TAOK3: variants seen among roughly 807,000 people sequenced by gnomAD.
TAOK3 encodes serine/threonine-protein kinase TAO3.
A neutral mutation model predicts 120.4 loss-of-function variants in TAOK3; 40 were observed. That is an observed-to-expected ratio of 0.33 (90% CI 0.26 to 0.43). The LOEUF (loss-of-function observed/expected upper bound fraction) is 0.43. Among genes scored for constraint, TAOK3 ranks in the 20% least tolerant of loss-of-function variants. The probability of loss-of-function intolerance (pLI) is 1.00; values close to 1 mark genes in which losing one functional copy is unlikely to be tolerated. For missense variants in TAOK3, 821 were observed against 1,112.1 expected (o/e 0.74, Z 3.72); for synonymous variants, 355 against 387.5 (o/e 0.92, Z 0.99).
intron 1 of TAOK3, among the ~76,000 whole-genome samples, chr12:118,369,004 G>GAAAAAA (rs975694288): frequency 5.8e-4 from 40 of 69,318 alleles, no homozygotes; most frequent in African/African-American, 9.4e-4. Flanking sequence ...ACTAAAAATA[G>GAAAAAA]AAAAAAAAAA....
intron 1 of TAOK3, among the ~76,000 whole-genome samples, chr12:118,308,907 G>A (rs1192250314): frequency 7.8e-6 from 1 of 127,636 alleles, no homozygotes; most frequent in Admixed American, 9.3e-5. Context: ...TCCAGCCTGG[G>A]GAACAGCAGC....
intron 1 of TAOK3, among the ~76,000 whole-genome samples, chr12:118,317,207 G>A (rs1196369749): frequency 1.4e-5 from 2 of 146,460 alleles, no homozygotes; most frequent in Non-Finnish European, 3.0e-5. Context: ...AAGTTGCAGT[G>A]AGCCGAGATT....
intron 16 of TAOK3, among the ~76,000 whole-genome samples, chr12:118,176,744 A>C (rs1377105684): frequency 2.0e-5 from 3 of 152,112 alleles, no homozygotes; most frequent in Non-Finnish European, 4.4e-5. Flanking sequence ...GTGGGTTAGC[A>C]ATCTGTTTTA....
At chr12:118,217,809 G>GTGTGTGTGTA (rs2038988380) in intron 9 of TAOK3, among the ~76,000 whole-genome samples, 5 of 76,272 alleles carry the variant, frequency 6.6e-5, no homozygotes, top group Non-Finnish European at 1.3e-4. Flanking sequence ...GTGTGTGTGT[G>GTGTGTGTGTA]TGTATACATA....
At chr12:118,177,444 G>T in intron 15 of TAOK3, 115 bp from the exon 16 acceptor site, 2 of 622,070 alleles carry the variant, frequency 3.2e-6, no homozygotes, top group Non-Finnish European at 5.0e-6. Flanking sequence ...AGACATTTTT[G>T]AACAAATATT....
At position 118,214,076 on chromosome 12, in the gene TAOK3, T is replaced by C. The variant is rs2038761751; in HGVS notation, c.678A>G (p.Ala226=). The C allele has an allele frequency of 6.2e-7, 1 of 1,609,774 alleles. No homozygotes were observed. The highest frequency in any genetic ancestry group is 8.5e-7 in the Non-Finnish European group (1 of 1,178,876). The change falls in exon 10 of 21, where the codon GCA becomes GCG. Residue 226 remains alanine, a synonymous_variant. Coordinates refer to ENST00000392533, the MANE Select transcript of TAOK3 (RefSeq NM_016281.4). ...GGGCAATGTGATATAAGGCACTCAT[T>C]GCATTCATGTTGAAAAGGGGCGGCT... The part of the protein sequence containing the change: ...ERKPPLFNMN[A]MSALYHIAQN...
intron 1 of TAOK3, among the ~76,000 whole-genome samples, chr12:118,344,458 T>A (rs2141156524): frequency 6.6e-6 from 1 of 152,110 alleles, no homozygotes; most frequent in Middle Eastern, 3.4e-3. Context: ...AGTGTTCACA[T>A]CAACAATACC....
At chr12:118,320,775 G>C (rs1218742969) in intron 1 of TAOK3, among the ~76,000 whole-genome samples, 1 of 152,132 alleles carries the variant, frequency 6.6e-6, no homozygotes, top group Non-Finnish European at 1.5e-5. Context: ...GGGTCCCCAA[G>C]CTGAATATTT....
chr12:118,248,541 T>C (rs776099179), intron 3 of TAOK3, among the ~76,000 whole-genome samples: 1 of 152,106 alleles, frequency 6.6e-6, no homozygotes, highest in Non-Finnish European at 1.5e-5. Flanking sequence ...TCAATATATA[T>C]AGTGCAGCTT....
chr12:118,238,277 T>C, intron 6 of TAOK3, 108 bp from the exon 7 acceptor site: 1 of 574,572 alleles, frequency 1.7e-6, no homozygotes, highest in Non-Finnish European at 3.1e-6. Context: ...ACATGACAAT[T>C]TGGGAACACA....
intron 1 of TAOK3, among the ~76,000 whole-genome samples, chr12:118,324,494 T>C (rs1008846920): frequency 1.8e-4 from 28 of 152,160 alleles, no homozygotes; most frequent in African/African-American, 6.5e-4. Context: ...CATGTAACTA[T>C]ACTTTTGTAC....
rs80039885 is a variant in TAOK3, at chr12:118,336,626, T to C, written c.-194+36022A>G. ...GTACCTAATCAAAATTTAAAACCAC[T>C]GCTCTGCAAAAGACCCATTAAAAAG... On this transcript the variant is annotated intron_variant, in intron 1 of 20. Coordinates refer to ENST00000392533, the MANE Select transcript of TAOK3 (RefSeq NM_016281.4). Among the ~76,000 whole-genome samples, 7 of 151,996 alleles carry C rather than the reference T, an allele frequency of 4.6e-5. No homozygotes were observed. The East Asian group carries it at 1.3e-3, about 29-fold the overall frequency.
chr12:118,292,551 C>T (rs956043449), intron 1 of TAOK3, among the ~76,000 whole-genome samples: 2 of 152,114 alleles, frequency 1.3e-5, no homozygotes, highest in Non-Finnish European at 1.5e-5. Flanking sequence ...TATTCCTGAT[C>T]TCTTATTACA....
intron 19 of TAOK3, among the ~76,000 whole-genome samples, chr12:118,153,103 A>C (rs1398513647): frequency 6.6e-6 from 1 of 152,028 alleles, no homozygotes; most frequent in Non-Finnish European, 1.5e-5. Flanking sequence ...CCAATCCAAA[A>C]CTCCAAATGG....
chr12:118,212,989 G>A lies in TAOK3; in HGVS notation c.744C>T (p.Asp248=), dbSNP rs56082122. Reference sequence around the variant, plus strand: ...AGTAATCAACAAATCTCCTAAAGGAGTCTGTCCTGTGTGTGCAAATACACA... The same window carrying A: ...AGTAATCAACAAATCTCCTAAAGGAATCTGTCCTGTGTGTGCAAATACACA... ...SPTLQSNEWT[D]SFRRFVDYCL... is the part of the protein sequence containing the mutation. Residue 248 remains aspartate, a synonymous_variant, in exon 11 of 21, where the codon GAC becomes GAT. Coordinates refer to ENST00000392533, the MANE Select transcript of TAOK3 (RefSeq NM_016281.4). 218 of 1,609,886 alleles carry A rather than the reference G, an allele frequency of 1.4e-4. 2 individuals are homozygous for A. The East Asian group carries it at 2.4e-3, about 18-fold the overall frequency.
chr12:118,175,865 A>T (rs2036293346), intron 16 of TAOK3, among the ~76,000 whole-genome samples: 1 of 152,090 alleles, frequency 6.6e-6, no homozygotes, highest in Non-Finnish European at 1.5e-5. Flanking sequence ...TTTGGGAAGA[A>T]CTCCTAAGTC....
In TAOK3 at chr12:118,151,025, A is replaced by AATG. The variant is rs747682289; in HGVS notation, c.2666_2668dup (p.Thr889_Leu890insSer). ...TCTGTAGTCCTCCTTAGGAAAATCT[A>AATG]ATGTAACCAAATTCCCAAATCCCAT... On this transcript the variant is annotated inframe_insertion, in exon 21 of 21. Transcript: ENST00000392533. 6 of 1,609,004 alleles carry AATG rather than the reference A, an allele frequency of 3.7e-6. No homozygotes were observed. In the South Asian group the frequency reaches 6.6e-5, roughly 18 times the overall value.
intron 1 of TAOK3, among the ~76,000 whole-genome samples, chr12:118,300,285 G>A (rs1306758647): frequency 1.3e-5 from 2 of 152,166 alleles, no homozygotes; most frequent in Non-Finnish European, 2.9e-5. Flanking sequence ...CTCAAAAGAT[G>A]GAAGGTGTAA....
At chr12:118,225,704 G>C (rs1323832136) in intron 9 of TAOK3, among the ~76,000 whole-genome samples, 7 of 152,056 alleles carry the variant, frequency 4.6e-5, no homozygotes, top group Admixed American at 4.6e-4. Flanking sequence ...AACTATAAGA[G>C]GCTGTTGCCT....
Sources: allele counts gnomAD v4.1 joint callset (sites outside exome capture counted in the v4.1 genomes callset), GRCh38; gene constraint gnomAD v4.1.1; transcripts MANE v1.5; gene names NCBI Gene and HGNC (gene_info 2026-07-23, HGNC 2026-07-21).